TENM3: variants seen among roughly 807,000 people sequenced by gnomAD.
TENM3 encodes teneurin-3.
Under a neutral mutation model 255.1 loss-of-function variants are expected in TENM3, and 63 were observed. The observed-to-expected ratio is 0.25, with a 90% CI of 0.20 to 0.30. TENM3 has a LOEUF of 0.30. Among genes scored for constraint, TENM3 ranks in the 10% least tolerant of loss-of-function variants. The probability of loss-of-function intolerance (pLI) is 1.00; values close to 1 mark genes in which losing one functional copy is unlikely to be tolerated. For missense variants in TENM3, 2,929 were observed against 3,461.1 expected (o/e 0.85, Z 3.86); for synonymous variants, 1,306 against 1,322.3 (o/e 0.99, Z 0.27).
chr4:182,441,899 G>A (rs1048262539), intron 3 of TENM3, among the ~76,000 whole-genome samples: 2 of 152,182 alleles, frequency 1.3e-5, no homozygotes, highest in Non-Finnish European at 2.9e-5. Context: ...CAAAGAAATC[G>A]TCCCTATGCT....
chr4:181,610,460 G>A, the TENM3 span, among the ~76,000 whole-genome samples: 1 of 152,090 alleles, frequency 6.6e-6, no homozygotes, highest in Non-Finnish European at 1.5e-5. Flanking sequence ...TCAACCTAGT[G>A]CAGTTACATC....
chr4:181,734,350 A>G, the TENM3 span, among the ~76,000 whole-genome samples: 1 of 151,846 alleles, frequency 6.6e-6, no homozygotes, highest in Non-Finnish European at 1.5e-5. Context: ...AGCGCTCACC[A>G]CTTGTTTGGG....
chr4:182,009,481 T>A, the TENM3 span, among the ~76,000 whole-genome samples: 8 of 152,200 alleles, frequency 5.3e-5, 1 homozygote, highest in Non-Finnish European at 1.2e-4. Context: ...TGGGTCAGGG[T>A]TAGACCTGAA....
the TENM3 span, among the ~76,000 whole-genome samples, chr4:181,957,487 C>T: frequency 6.6e-6 from 1 of 152,136 alleles, no homozygotes; most frequent in African/African-American, 2.4e-5. Flanking sequence ...TAAACCAAAA[C>T]CCAATTTTTA....
At chr4:181,998,210 A>G in the TENM3 span, among the ~76,000 whole-genome samples, 1 of 152,188 alleles carries the variant, frequency 6.6e-6, no homozygotes, top group African/African-American at 2.4e-5. Flanking sequence ...ATTTTGTATT[A>G]GCTGATGACT....
chr4:181,749,713 T>C, the TENM3 span, among the ~76,000 whole-genome samples: 1 of 152,200 alleles, frequency 6.6e-6, no homozygotes, highest in African/African-American at 2.4e-5. Context: ...TTTGTGAATA[T>C]TGCAAGATGA....
At chr4:181,913,483 C>T in the TENM3 span, among the ~76,000 whole-genome samples, 7 of 152,168 alleles carry the variant, frequency 4.6e-5, no homozygotes, top group African/African-American at 1.7e-4. Flanking sequence ...CCAGTAGTCC[C>T]TACTGCTGTG....
the TENM3 span, among the ~76,000 whole-genome samples, chr4:181,837,439 T>G: frequency 6.6e-6 from 1 of 152,342 alleles, no homozygotes; most frequent in East Asian, 1.9e-4. Context: ...TTAAGTTTAT[T>G]TTTTTCTCTT....
the TENM3 span, among the ~76,000 whole-genome samples, chr4:181,682,980 G>GA: frequency 1.3e-5 from 2 of 151,778 alleles, no homozygotes; most frequent in Admixed American, 1.3e-4. Context: ...TTGGGAGGCA[G>GA]AGATGGAATG....
At chr4:182,660,855 G>A (rs1314884305) in intron 6 of TENM3, among the ~76,000 whole-genome samples, 1 of 152,144 alleles carries the variant, frequency 6.6e-6, no homozygotes, top group Non-Finnish European at 1.5e-5. Flanking sequence ...TGAATTCTAG[G>A]CTAGATGGGA....
At chr4:181,521,851 C>T in the TENM3 span, among the ~76,000 whole-genome samples, 1 of 152,034 alleles carries the variant, frequency 6.6e-6, no homozygotes, top group African/African-American at 2.4e-5. Flanking sequence ...AATCCCAGCA[C>T]TTTGGAAGGC....
At chr4:181,504,613 A>G in the TENM3 span, among the ~76,000 whole-genome samples, 1 of 152,168 alleles carries the variant, frequency 6.6e-6, no homozygotes, top group Non-Finnish European at 1.5e-5. Context: ...TAGCAGTATT[A>G]CAGTGCAACT....
chr4:182,135,655 G>A, the TENM3 span, among the ~76,000 whole-genome samples: 2 of 152,222 alleles, frequency 1.3e-5, no homozygotes, highest in African/African-American at 2.4e-5. Flanking sequence ...TGAGAAAATA[G>A]CATATGACCA....
At chr4:182,565,617 A>G (rs1239655345) in intron 3 of TENM3, among the ~76,000 whole-genome samples, 1 of 152,208 alleles carries the variant, frequency 6.6e-6, no homozygotes, top group African/African-American at 2.4e-5. Flanking sequence ...CAAACTTTCT[A>G]TCTTAAATCA....
the TENM3 span, among the ~76,000 whole-genome samples, chr4:181,856,484 A>G: frequency 6.6e-6 from 1 of 152,208 alleles, no homozygotes; most frequent in African/African-American, 2.4e-5. Context: ...TATCTCATGA[A>G]TGAGTAAATC....
the TENM3 span, among the ~76,000 whole-genome samples, chr4:182,066,777 G>A: frequency 2.6e-3 from 399 of 152,012 alleles, 3 homozygotes; most frequent in East Asian, 0.03. Flanking sequence ...CGGGCGTGGT[G>A]GCAGGCGCCT....
At chr4:182,054,811 A>T in the TENM3 span, among the ~76,000 whole-genome samples, 16 of 152,128 alleles carry the variant, frequency 1.1e-4, no homozygotes, top group Non-Finnish European at 2.1e-4. Context: ...AAAATTTTTT[A>T]ATTAAAAAAA....
At chr4:182,762,014 C>T (rs17074030) in intron 22 of TENM3, among the ~76,000 whole-genome samples, 9,624 of 152,204 alleles carry the variant, frequency 0.063, 397 homozygotes, top group African/African-American at 0.12. Flanking sequence ...TTCCAATTAC[C>T]TTCTGCAGTC....
At chr4:182,633,777 C>A (rs900429748) in intron 5 of TENM3, among the ~76,000 whole-genome samples, 2 of 152,196 alleles carry the variant, frequency 1.3e-5, no homozygotes, top group Non-Finnish European at 2.9e-5. Context: ...AGGACTCTTA[C>A]ACTATACTGT....
Sources: allele counts gnomAD v4.1 joint callset (sites outside exome capture counted in the v4.1 genomes callset), GRCh38; gene constraint gnomAD v4.1.1; transcripts MANE v1.5; gene names NCBI Gene and HGNC (gene_info 2026-07-23, HGNC 2026-07-21).